GTF2IRD1: variants seen among roughly 807,000 people sequenced by gnomAD.
GTF2IRD1 encodes the protein GTF2I repeat domain containing 1.
Under a neutral mutation model 113.2 loss-of-function variants are expected in GTF2IRD1, and 26 were observed. The ratio of observed to expected loss-of-function variants is 0.23; its 90% confidence interval spans 0.17 to 0.32. GTF2IRD1 has a LOEUF of 0.32. Ranked by LOEUF, GTF2IRD1 falls within the 10% of genes least tolerant of loss-of-function variation. The pLI is 1.00. For synonymous variants in GTF2IRD1, 484 were observed against 529.1 expected (o/e 0.91, Z 1.17); for missense variants, 864 against 1,280.8 (o/e 0.67, Z 4.97).
rs587729278 is a variant in GTF2IRD1, at chr7:74,545,378, G to A, written c.1667-366G>A. On this transcript the variant is annotated intron_variant, in intron 15 of 26. Coordinates refer to ENST00000424337, the MANE Select transcript of GTF2IRD1 (RefSeq NM_005685.4). Reference sequence around the variant, plus strand: ...AACCATGAAGTCTTAACACAGTTCCGCTGCCACCTGGTGGCAGCCTGCTCA... The same window carrying A: ...AACCATGAAGTCTTAACACAGTTCCACTGCCACCTGGTGGCAGCCTGCTCA... Among the ~76,000 whole-genome samples the A allele has an allele frequency of 2.0e-5, 3 of 152,088 alleles. No individual in the cohort carries two copies. In the East Asian group the frequency reaches 5.8e-4, roughly 29 times the overall value.
intron 20 of GTF2IRD1, among the ~76,000 whole-genome samples, 189 bp from the exon 21 acceptor site, chr7:74,558,672 T>A (rs587658463): frequency 3.3e-5 from 5 of 152,238 alleles, no homozygotes; most frequent in East Asian, 3.9e-4. Context: ...GCCTTTTTTT[T>A]ATGTTCTGAT....
At chr7:74,501,941 C>T (rs552978720) in intron 1 of GTF2IRD1, among the ~76,000 whole-genome samples, 11 of 152,196 alleles carry the variant, frequency 7.2e-5, no homozygotes, top group East Asian at 3.9e-4. Flanking sequence ...TGTGAGCTAC[C>T]GCGCCTGGCC....
At chr7:74,476,537 T>A (rs1347920272) in intron 1 of GTF2IRD1, among the ~76,000 whole-genome samples, 1 of 152,130 alleles carries the variant, frequency 6.6e-6, no homozygotes, top group Admixed American at 6.6e-5. Flanking sequence ...CTAATTTTTT[T>A]ATTTTTAGTA....
chr7:74,460,977 A>G (rs1554329023), intron 1 of GTF2IRD1, among the ~76,000 whole-genome samples: 1 of 145,784 alleles, frequency 6.9e-6, no homozygotes, highest in Non-Finnish European at 1.5e-5. Context: ...AGTGGGGGAA[A>G]TGGGGGGAAA....
chr7:74,552,127 G>A (rs2130724565), intron 17 of GTF2IRD1, among the ~76,000 whole-genome samples: 1 of 152,230 alleles, frequency 6.6e-6, no homozygotes, highest in East Asian at 1.9e-4. Flanking sequence ...GCCCACGCCT[G>A]TAATCCTAGC....
chr7:74,583,647 G>A (rs1554366891), intron 22 of GTF2IRD1, among the ~76,000 whole-genome samples: 1 of 151,912 alleles, frequency 6.6e-6, no homozygotes, highest in East Asian at 1.9e-4. Context: ...TCCACCGCCT[G>A]GGACCTGTGC....
chr7:74,508,657 C>CTCCA (rs1796437384), intron 2 of GTF2IRD1, among the ~76,000 whole-genome samples: 1 of 149,824 alleles, frequency 6.7e-6, no homozygotes, highest in African/African-American at 2.5e-5. Context: ...TGCCATTGTA[C>CTCCA]TCCAGCCTGG....
At chr7:74,458,783 T>C (rs1793165170) in intron 1 of GTF2IRD1, among the ~76,000 whole-genome samples, 2 of 151,822 alleles carry the variant, frequency 1.3e-5, no homozygotes, top group South Asian at 4.2e-4. Flanking sequence ...GCCTCCCGAG[T>C]AGCTGGGATT....
intron 22 of GTF2IRD1, among the ~76,000 whole-genome samples, chr7:74,570,413 A>G (rs1445253301): frequency 2.0e-5 from 3 of 151,196 alleles, no homozygotes; most frequent in Non-Finnish European, 4.4e-5. Context: ...TAATCCCAGC[A>G]CTTCGGGAGG....
At chr7:74,476,386 A>C (rs1554333550) in intron 1 of GTF2IRD1, among the ~76,000 whole-genome samples, 3 of 8,988 alleles carry the variant, frequency 3.3e-4, no homozygotes, top group African/African-American at 5.1e-4. Context: ...TTCTTTTGAG[A>C]CGGAGTCTCA....
chr7:74,572,532 G>T (rs1800755746), intron 22 of GTF2IRD1: 1 of 968,184 alleles, frequency 1.0e-6, no homozygotes, highest in Non-Finnish European at 1.2e-6. Context: ...CTGTCTTTGG[G>T]TCTCCATTTC....
intron 1 of GTF2IRD1, among the ~76,000 whole-genome samples, chr7:74,485,103 A>G (rs1322565608): frequency 6.6e-6 from 1 of 151,818 alleles, no homozygotes; most frequent in Non-Finnish European, 1.5e-5. Flanking sequence ...AAGGGCCCGG[A>G]GCTGGGTGGC....
At position 74,496,645 on chromosome 7, in the gene GTF2IRD1, C is replaced by T. The variant is rs576925841; in HGVS notation, c.-6-11430C>T. Among the ~76,000 whole-genome samples the T allele has an allele frequency of 1.1e-4, 15 of 142,374 alleles. No homozygotes were observed. The South Asian group carries it at 1.6e-3, about 16-fold the overall frequency. The allele number at this position is 142,374 out of a possible 152,430, so 93.4% of individuals were successfully genotyped here. ...GCGTGTGGGTGTGCATGTATGTGTG[C>T]GTGTGGGTGTGTGTGTGAGTGTGCA... is the stretch of plus-strand genomic sequence containing the variant. On this transcript the variant is annotated intron_variant, in intron 1 of 26. Transcript: ENST00000424337.
At chr7:74,581,022 G>C (rs587658671) in intron 22 of GTF2IRD1, among the ~76,000 whole-genome samples, 18 of 151,432 alleles carry the variant, frequency 1.2e-4, no homozygotes, top group South Asian at 8.4e-4. Context: ...CCCCTTTTCT[G>C]GGGGGGGTTG....
intron 23 of GTF2IRD1, among the ~76,000 whole-genome samples, 162 bp downstream of exon 23, chr7:74,590,090 T>TC (rs1801965193): frequency 6.7e-6 from 1 of 149,576 alleles, no homozygotes; most frequent in African/African-American, 2.4e-5. Context: ...GTATGTTGAT[T>TC]TTTTTTTTTT....
intron 22 of GTF2IRD1, among the ~76,000 whole-genome samples, chr7:74,583,050 A>G (rs1367697156): frequency 6.6e-6 from 1 of 152,172 alleles, no homozygotes; most frequent in Non-Finnish European, 1.5e-5. Context: ...AAATGCAAGA[A>G]CAGCTACAGA....
intron 4 of GTF2IRD1, among the ~76,000 whole-genome samples, chr7:74,516,689 T>G (rs1280053813): frequency 6.6e-6 from 1 of 152,212 alleles, no homozygotes; most frequent in Non-Finnish European, 1.5e-5. Flanking sequence ...GTGGTCACAC[T>G]GGCCACCCTG....
intron 6 of GTF2IRD1, 116 bp from the exon 7 acceptor site, chr7:74,521,092 G>C: frequency 1.6e-6 from 1 of 632,632 alleles, no homozygotes; most frequent in Non-Finnish European, 2.8e-6. Context: ...TCAGTTATTG[G>C]ATGTCCCTGG....
At chr7:74,552,816 GT>G (rs1403040460) in intron 17 of GTF2IRD1, among the ~76,000 whole-genome samples, 3 of 151,860 alleles carry the variant, frequency 2.0e-5, no homozygotes, top group Non-Finnish European at 2.9e-5. Flanking sequence ...TTGTGGGTTG[GT>G]TTTTTTGTTG....
Sources: allele counts gnomAD v4.1 joint callset (sites outside exome capture counted in the v4.1 genomes callset), GRCh38; gene constraint gnomAD v4.1.1; transcripts MANE v1.5; gene names NCBI Gene and HGNC (gene_info 2026-07-23, HGNC 2026-07-21).